Variants in PDGFRL observed in about 807,000 individuals in gnomAD.
PDGFRL encodes the protein platelet-derived growth factor receptor-like protein.
In PDGFRL, 46 loss-of-function variants were observed where a neutral mutation model predicts 37.2. That is an observed-to-expected ratio of 1.24 (90% CI 0.98 to 1.58). The LOEUF is 1.58. Among genes scored for constraint, PDGFRL ranks in the 40% most tolerant of loss-of-function variants. The probability of loss-of-function intolerance (pLI) is 0.00; values close to 1 mark genes in which losing one functional copy is unlikely to be tolerated. For missense variants in PDGFRL, 692 were observed against 467.6 expected (o/e 1.48, Z -4.43); for synonymous variants, 251 against 184.3 (o/e 1.36, Z -2.93).
At chr8:17,619,534 T>G (rs1030810890) in intron 2 of PDGFRL, among the ~76,000 whole-genome samples, 5 of 152,198 alleles carry the variant, frequency 3.3e-5, no homozygotes, top group African/African-American at 1.2e-4. Context: ...CTTTAAATAC[T>G]TTATTAGAAG....
chr8:17,617,365 C>T (rs1165847586), intron 2 of PDGFRL, among the ~76,000 whole-genome samples: 2 of 152,148 alleles, frequency 1.3e-5, no homozygotes, highest in African/African-American at 2.4e-5. Context: ...CACTTAAACT[C>T]CCCATTCGCC....
intron 3 of PDGFRL, among the ~76,000 whole-genome samples, chr8:17,626,993 T>C (rs1804746731): frequency 6.6e-6 from 1 of 152,178 alleles, no homozygotes; most frequent in Non-Finnish European, 1.5e-5. Flanking sequence ...GGGTTCCTCC[T>C]TCAAGCCGAC....
chr8:17,589,342 T>G, intron 1 of PDGFRL, 126 bp from the exon 2 acceptor site: 2 of 713,446 alleles, frequency 2.8e-6, no homozygotes, highest in Middle Eastern at 8.1e-4. Flanking sequence ...GCTGAGATTA[T>G]GCCACTGCCC....
At chr8:17,582,491 G>A (rs1803728047) in intron 1 of PDGFRL, among the ~76,000 whole-genome samples, 1 of 151,546 alleles carries the variant, frequency 6.6e-6, no homozygotes, top group African/African-American at 2.4e-5. Flanking sequence ...CTGAGGCAGG[G>A]GAGTCGCTTG....
chr8:17,607,981 C>G (rs1287183759), intron 2 of PDGFRL, among the ~76,000 whole-genome samples: 2 of 152,252 alleles, frequency 1.3e-5, no homozygotes, highest in African/African-American at 4.8e-5. Flanking sequence ...CCCACCCACA[C>G]AGCCGGCTGC....
chr8:17,621,682 CAG>C (rs1804637992), intron 3 of PDGFRL, among the ~76,000 whole-genome samples: 2 of 152,288 alleles, frequency 1.3e-5, no homozygotes, highest in South Asian at 4.1e-4. Context: ...CTAGACAGCA[CAG>C]AGAGAGAACA....
At position 17,642,736 on chromosome 8, in the gene PDGFRL, T is replaced by C. The variant is rs768739139; in HGVS notation, c.1063T>C (p.Tyr355His). 8.1e-6 allele frequency: 13 copies of C among 1,608,788 alleles called. No individual in the cohort carries two copies. Among genetic ancestry groups the C allele is most frequent in the Non-Finnish European group, 1.1e-5 (13 of 1,175,054 alleles). ...CTTTGAGACGATTGATGCAGGATAT[T>C]ACATTTGCACTGCTCAGAATCTTCA... is the stretch of plus-strand genomic sequence containing the variant. Reference protein sequence around the residue: ...EDFETIDAGYYICTAQNLQGQ... With the variant: ...EDFETIDAGYHICTAQNLQGQ... Residue 355 changes from tyrosine to histidine, a missense_variant, in exon 6 of 6, where the codon TAC becomes CAC. Tyr to His is a moderately conservative substitution (Grantham distance 83). Transcript: ENST00000251630.
At chr8:17,604,065 G>T (rs140527035) in intron 2 of PDGFRL, among the ~76,000 whole-genome samples, 1,746 of 152,238 alleles carry the variant, frequency 0.011, 14 homozygotes, top group South Asian at 0.044. Context: ...GGAGGGCCTT[G>T]TTGGCCACAT....
rs756919852 is a variant in PDGFRL at position 17,642,794 on chromosome 8, T to A, written c.1121T>A (p.Phe374Tyr). The A allele has an allele frequency of 6.3e-7, 1 of 1,597,754 alleles. No homozygotes were observed. Among genetic ancestry groups the A allele is most frequent in the Non-Finnish European group, 8.6e-7 (1 of 1,166,414 alleles). ...GQTTVATTVE[F>Y]S ...ACCACAGTAGCTACCACTGTTGAGT[T>A]TTCCTGACTTGGAAAAGGAAATGTA... Residue 374 changes from phenylalanine (F) to tyrosine (Y), a missense_variant, in exon 6 of 6, where the codon TTT (phenylalanine) becomes TAT (tyrosine). Physicochemically the swap from Phe to Tyr is conservative, Grantham distance 22. Transcript: ENST00000251630.
chr8:17,591,663 C>T (rs923726104), intron 2 of PDGFRL, among the ~76,000 whole-genome samples: 1 of 152,184 alleles, frequency 6.6e-6, no homozygotes, highest in Non-Finnish European at 1.5e-5. Context: ...CGCCTGTAAT[C>T]CCAGCACTTT....
chr8:17,607,699 G>A (rs184519386), intron 2 of PDGFRL, among the ~76,000 whole-genome samples: 5 of 152,294 alleles, frequency 3.3e-5, no homozygotes, highest in East Asian at 3.9e-4. Context: ...TGTGGGTGAC[G>A]TCTGGGATTT....
intron 2 of PDGFRL, among the ~76,000 whole-genome samples, chr8:17,609,650 AAAAAAAAAAAAAAAATAAG>A (rs1804363938): frequency 1.4e-5 from 2 of 143,922 alleles, no homozygotes; most frequent in South Asian, 2.4e-4. Context: ...AAAAAAAAAA[AAAAAAAAAAAAAAAATAAG>A]AGCCAAAGAG....
intron 5 of PDGFRL, 50 bp downstream of exon 5, chr8:17,634,263 C>T (rs773062750): frequency 1.7e-5 from 25 of 1,476,660 alleles, no homozygotes; most frequent in Non-Finnish European, 2.1e-5. Context: ...CTCTGCATCT[C>T]AGCCAGCCAT....
intron 5 of PDGFRL, among the ~76,000 whole-genome samples, chr8:17,638,837 CGT>C (rs1805034706): frequency 1.7e-5 from 2 of 116,770 alleles, no homozygotes; most frequent in Non-Finnish European, 3.6e-5. Flanking sequence ...ACATAATGTC[CGT>C]CTTTCTCTTT....
chr8:17,589,687 TAG>T lies in PDGFRL; in HGVS notation c.278_279del (p.Glu93AlafsTer4), dbSNP rs1011228585. 2 of 1,613,478 alleles carry T rather than the reference TAG, an allele frequency of 1.2e-6. No homozygotes were observed. Among genetic ancestry groups the T allele is most frequent in the African/African-American group, 2.7e-5 (2 of 75,016 alleles). The stretch of plus-strand genomic sequence containing the variant: ...CTGAGTCTGCTGGCGGGGCAAACTG[TAG>T]AGCTTCGATGTAAAGGGAGTAGAAT... On this transcript the variant is annotated frameshift_variant, in exon 2 of 6. Transcript: ENST00000251630. LOFTEE classifies it high-confidence loss of function.
chr8:17,594,820 C>T (rs538177685), intron 2 of PDGFRL, among the ~76,000 whole-genome samples: 3 of 152,232 alleles, frequency 2.0e-5, no homozygotes, highest in South Asian at 2.1e-4. Flanking sequence ...GGATTACAGG[C>T]GTGAGCCACT....
intron 5 of PDGFRL, among the ~76,000 whole-genome samples, chr8:17,636,777 A>G (rs916824861): frequency 1.3e-5 from 2 of 152,044 alleles, no homozygotes; most frequent in African/African-American, 4.8e-5. Flanking sequence ...TGTTTGTGTC[A>G]TCTATGATTT....
intron 2 of PDGFRL, among the ~76,000 whole-genome samples, chr8:17,607,145 C>G (rs1804299145): frequency 6.6e-6 from 1 of 152,068 alleles, no homozygotes; most frequent in South Asian, 2.1e-4. Context: ...ATCCACCTGC[C>G]TTGGCCTGCG....
intron 2 of PDGFRL, among the ~76,000 whole-genome samples, chr8:17,597,558 T>TC (rs1804080841): frequency 2.0e-5 from 3 of 151,900 alleles, no homozygotes; most frequent in Admixed American, 6.6e-5. Context: ...ACATTTTTTT[T>TC]TCCCAAAGTG....
Sources: gnomAD v4.1 joint callset for allele counts (sites outside exome capture counted in the v4.1 genomes callset) on GRCh38, gnomAD v4.1.1 for gene constraint, MANE v1.5 for transcripts, NCBI Gene and HGNC (gene_info 2026-07-23, HGNC 2026-07-21) for gene names.